Variants in SMYD3 observed in about 807,000 individuals in gnomAD.
The protein encoded by SMYD3 is SET and MYND domain containing 3.
Under a neutral mutation model 57.7 loss-of-function variants are expected in SMYD3, and 36 were observed. That is an observed-to-expected ratio of 0.62 (90% CI 0.48 to 0.82). The LOEUF (loss-of-function observed/expected upper bound fraction) is 0.82, where lower values mean the gene tolerates loss of function less well. Ranked by LOEUF, SMYD3 falls within the 40% of genes least tolerant of loss-of-function variation. The probability of loss-of-function intolerance (pLI) is 0.00; values close to 1 mark genes in which losing one functional copy is unlikely to be tolerated. For missense variants in SMYD3, 515 were observed against 538.8 expected (o/e 0.96, Z 0.44); for synonymous variants, 211 against 195.0 (o/e 1.08, Z -0.68).
intron 5 of SMYD3, among the ~76,000 whole-genome samples, chr1:246,122,866 T>C (rs955062628): frequency 1.3e-5 from 2 of 152,216 alleles, no homozygotes; most frequent in African/African-American, 4.8e-5. Flanking sequence ...CATGATTAAC[T>C]TCAGGCCAAT....
chr1:246,241,103 C>T (rs1232880097), intron 5 of SMYD3, among the ~76,000 whole-genome samples: 1 of 151,954 alleles, frequency 6.6e-6, no homozygotes, highest in Non-Finnish European at 1.5e-5. Flanking sequence ...TGCCTGATTG[C>T]CCTGGCCAGA....
intron 5 of SMYD3, among the ~76,000 whole-genome samples, chr1:245,985,934 G>A (rs979648473): frequency 1.3e-5 from 2 of 151,996 alleles, no homozygotes; most frequent in Admixed American, 6.6e-5. Flanking sequence ...CTAACACTGC[G>A]CCATTCAAAG....
At chr1:246,320,643 A>T in intron 5 of SMYD3, among the ~76,000 whole-genome samples, 1 of 152,214 alleles carries the variant, frequency 6.6e-6, no homozygotes, top group Non-Finnish European at 1.5e-5. Flanking sequence ...CACATTTCTA[A>T]TCAGGCTGCC....
rs141773623 is a variant in SMYD3 at position 246,114,598 on chromosome 1, G to A, written c.532-184661C>T. 3.1e-4 allele frequency among the ~76,000 whole-genome samples: 47 copies of A among 152,186 alleles called. 1 individual carries two copies. In the East Asian group the frequency reaches 6.8e-3, roughly 22 times the overall value. Reference sequence around the variant, plus strand: ...CAGACAGCCTCTTCTCTGCTGTGCCGGCCATTGCTTCCCGCTAATAAACTT... The same window carrying A: ...CAGACAGCCTCTTCTCTGCTGTGCCAGCCATTGCTTCCCGCTAATAAACTT... On this transcript the variant is annotated intron_variant, in intron 5 of 11. Transcript: ENST00000490107.
At chr1:246,189,195 T>G (rs191483883) in intron 5 of SMYD3, 6 of 152,214 alleles carry the variant, frequency 3.9e-5, no homozygotes, top group Admixed American at 3.9e-4. Context: ...GAAAGGTACC[T>G]TGTTGCCATG....
rs77529628 is a variant in SMYD3 at position 245,793,395 on chromosome 1, C to G, written c.1077-29246G>C. ...CGCTGGCAGACAGAGTGTAACAACA[C>G]TAATTTGACCATGCTTTCCAGAGCA... is the stretch of plus-strand genomic sequence containing the variant. On this transcript the variant is annotated intron_variant, in intron 10 of 11. Transcript: ENST00000490107. Among the ~76,000 whole-genome samples the G allele has an allele frequency of 6.2e-3, 942 of 152,202 alleles. 12 individuals are homozygous for G. The highest frequency in any genetic ancestry group is 0.021 in the African/African-American group (855 of 41,528).
chr1:246,219,685 T>C (rs1349355443), intron 5 of SMYD3, among the ~76,000 whole-genome samples: 1 of 152,134 alleles, frequency 6.6e-6, no homozygotes, highest in Non-Finnish European at 1.5e-5. Flanking sequence ...AGAGCAGAGC[T>C]AAAAGGTCAC....
intron 5 of SMYD3, among the ~76,000 whole-genome samples, chr1:246,064,386 A>T (rs1280859654): frequency 6.6e-6 from 1 of 152,226 alleles, no homozygotes; most frequent in African/African-American, 2.4e-5. Context: ...GTTCTCAGAA[A>T]GCATGGCACT....
At chr1:246,397,811 G>A (rs939281950) in intron 1 of SMYD3, among the ~76,000 whole-genome samples, 5 of 152,090 alleles carry the variant, frequency 3.3e-5, no homozygotes, top group Admixed American at 1.3e-4. Context: ...ACAGGGAATG[G>A]GGAATGCTGA....
intron 1 of SMYD3, among the ~76,000 whole-genome samples, chr1:246,431,316 AC>A (rs1266703443): frequency 6.6e-6 from 1 of 152,242 alleles, no homozygotes; most frequent in African/African-American, 2.4e-5. Context: ...TGCTTTAATT[AC>A]AATGCTAACT....
intron 5 of SMYD3, among the ~76,000 whole-genome samples, chr1:246,087,554 A>C (rs2060740954): frequency 6.6e-6 from 1 of 152,234 alleles, no homozygotes; most frequent in African/African-American, 2.4e-5. Flanking sequence ...CTACAAGGAA[A>C]AACAAGTTCA....
At chr1:246,066,577 C>T (rs67685647) in intron 5 of SMYD3, among the ~76,000 whole-genome samples, 11,652 of 152,234 alleles carry the variant, frequency 0.077, 529 homozygotes, top group African/African-American at 0.12. Context: ...GCAGACAGTG[C>T]TGTTTAAGCT....
At chr1:245,963,010 C>T (rs1362826082) in intron 5 of SMYD3, among the ~76,000 whole-genome samples, 2 of 151,960 alleles carry the variant, frequency 1.3e-5, no homozygotes, top group African/African-American at 4.8e-5. Flanking sequence ...TCTTAGCACA[C>T]TAAGAAAAAT....
At chr1:245,870,135 G>A (rs1310736816) in intron 8 of SMYD3, among the ~76,000 whole-genome samples, 1 of 152,104 alleles carries the variant, frequency 6.6e-6, no homozygotes, top group African/African-American at 2.4e-5. Context: ...ACAACCCATG[G>A]GCGACAGTAT....
chr1:245,927,346 G>A (rs915093054), intron 7 of SMYD3, among the ~76,000 whole-genome samples: 1 of 152,162 alleles, frequency 6.6e-6, no homozygotes, highest in Admixed American at 6.5e-5. Context: ...GTTCACTGCT[G>A]GAGGTCATCC....
intron 5 of SMYD3, among the ~76,000 whole-genome samples, chr1:246,163,906 G>A (rs1238260499): frequency 6.6e-6 from 1 of 152,110 alleles, no homozygotes; most frequent in Non-Finnish European, 1.5e-5. Flanking sequence ...TAATGACAGA[G>A]GAAAGTCAGA....
chr1:245,981,582 C>T (rs1229025636), intron 5 of SMYD3, among the ~76,000 whole-genome samples: 2 of 152,046 alleles, frequency 1.3e-5, no homozygotes, highest in Admixed American at 6.6e-5. Flanking sequence ...AGAAACCAAA[C>T]ATTTATAAAT....
At chr1:245,988,111 C>A (rs1011883519) in intron 5 of SMYD3, among the ~76,000 whole-genome samples, 9 of 7,410 alleles carry the variant, frequency 1.2e-3, no homozygotes, top group South Asian at 0.016. Flanking sequence ...AAACCAAACA[C>A]ACACACACAC....
chr1:246,243,689 G>C (rs142353676), intron 5 of SMYD3, among the ~76,000 whole-genome samples: 3 of 151,786 alleles, frequency 2.0e-5, no homozygotes, highest in African/African-American at 7.2e-5. Context: ...CTATTTGTTG[G>C]CCCATATATC....
Sources: gnomAD v4.1 joint callset for allele counts (sites outside exome capture counted in the v4.1 genomes callset) on GRCh38, gnomAD v4.1.1 for gene constraint, MANE v1.5 for transcripts, NCBI Gene and HGNC (gene_info 2026-07-23, HGNC 2026-07-21) for gene names.